Variants in MSI1 observed in about 807,000 individuals in gnomAD.
MSI1 encodes musashi RNA binding protein 1.
MSI1 carries 15 observed loss-of-function variants against 54.4 expected under a neutral mutation model. The ratio of observed to expected loss-of-function variants is 0.28; its 90% CI spans 0.18 to 0.42. The LOEUF (loss-of-function observed/expected upper bound fraction) is 0.42. MSI1 is among the 20% of genes least tolerant of loss of function. The probability of loss-of-function intolerance (pLI) is 1.00; values close to 1 mark genes in which losing one functional copy is unlikely to be tolerated. For missense variants in MSI1, 304 were observed against 506.0 expected, an observed-to-expected ratio of 0.60 and a Z score of 3.83; for synonymous variants, 200 against 196.5, an observed-to-expected ratio of 1.02 and a Z score of -0.15.
chr12:120,368,164 G>T lies in MSI1; in HGVS notation c.182+28C>A. ...TGGCGGGTGGAGGGGGGCGAGCCGG[G>T]AGCAGGAGGAGGGGGTGAGGGGCTC... On this transcript the variant is annotated intron_variant, in intron 3 of 14. Transcript: ENST00000257552. The surrounding 1 kb of genome is among the most constrained non-coding windows in gnomAD (Gnocchi z 6.6). 6.3e-7 allele frequency: 1 copy of T among 1,580,054 alleles called. No homozygotes were observed. The highest frequency in any genetic ancestry group is 8.6e-7 in the Non-Finnish European group (1 of 1,162,242).
rs764940825 is a variant in MSI1, at chr12:120,363,025, C to G, written c.402+18G>C. On this transcript the variant is annotated intron_variant, in intron 6 of 14. Coordinates refer to ENST00000257552, the MANE Select transcript of MSI1 (RefSeq NM_002442.4). ...GTGTTCACAGCCCCAGCAGCAAGCG[C>G]CCCCAGTTTAAACCCACCTTCCCAA... 6.2e-7 allele frequency: 1 copy of G among 1,607,914 alleles called. No homozygotes were observed. The highest frequency in any genetic ancestry group is 1.3e-5 in the African/African-American group (1 of 74,774).
intron 11 of MSI1, among the ~76,000 whole-genome samples, chr12:120,350,963 G>A (rs2136922874): frequency 6.6e-6 from 1 of 152,258 alleles, no homozygotes; most frequent in South Asian, 2.1e-4. Flanking sequence ...AGCTGGCACC[G>A]AGGGCAGGTA....
intron 13 of MSI1, 126 bp from the exon 14 acceptor site, chr12:120,345,758 T>C (rs1076206): frequency 0.72 from 820,967 of 1,144,206 alleles, 296,675 homozygotes; most frequent in Admixed American, 0.8. Flanking sequence ...ATCGCCCCCC[T>C]ACTGCAGGTC....
intron 6 of MSI1, among the ~76,000 whole-genome samples, chr12:120,361,753 C>T (rs1875667986): frequency 6.6e-6 from 1 of 151,598 alleles, no homozygotes; most frequent in South Asian, 2.1e-4. Flanking sequence ...GGGCCCTTGG[C>T]ATTCCCGGCT....
chr12:120,351,717 T>C (rs1431414881), intron 10 of MSI1, among the ~76,000 whole-genome samples: 1 of 150,430 alleles, frequency 6.6e-6, no homozygotes, highest in African/African-American at 2.4e-5. Context: ...CTCTCTTTTT[T>C]TTTTTTTTTG....
rs1565882591 is a variant in MSI1, at chr12:120,346,153, G to A, written c.1029C>T (p.Gly343=). The change falls in exon 13 of 15, where the codon GGC becomes GGT. Residue 343 remains glycine, a synonymous_variant. Transcript: ENST00000257552. ...ISAASPAPST[G]FGHSLGGPLI... ...CACTCACCCCAAGACTGTGGCCGAA[G>A]CCGGTGCTGGGGGCAGGGCTGGCGG... 3 of 1,587,870 alleles carry A rather than the reference G, an allele frequency of 1.9e-6. No homozygotes were observed. Among genetic ancestry groups the A allele is most frequent in the Non-Finnish European group, 1.7e-6 (2 of 1,168,726 alleles).
At chr12:120,353,261 G>C in intron 10 of MSI1, 38 bp downstream of exon 10, 3 of 1,596,896 alleles carry the variant, frequency 1.9e-6, no homozygotes, top group Non-Finnish European at 2.6e-6. Context: ...GGGAACCAGG[G>C]GCATGCTGGC....
intron 11 of MSI1, among the ~76,000 whole-genome samples, chr12:120,348,033 C>G (rs12425936): frequency 0.061 from 9,268 of 152,200 alleles, 413 homozygotes; most frequent in Admixed American, 0.15. Context: ...GGGCTCACAC[C>G]GAGGCCATAG....
Position 120,363,265 on chromosome 12 carries a change from C to T in MSI1, c.310-130G>A, listed in dbSNP as rs1019354120. ...GTGGCCCCAGCCTCTTTAAAGGCCC[C>T]CCCCCCGCAAGCTCCCTCTTGGACC... On this transcript the variant is annotated intron_variant, in intron 5 of 14. Coordinates refer to ENST00000257552, the MANE Select transcript of MSI1 (RefSeq NM_002442.4). 1.0e-5 allele frequency: 7 copies of T among 674,002 alleles called. 1 individual carries two copies. The highest frequency in any genetic ancestry group is 1.9e-5 in the African/African-American group (1 of 52,308). 41.8% of individuals were successfully genotyped at this position (674,002 alleles called of 1,614,324 possible).
intron 5 of MSI1, 31 bp from the exon 6 acceptor site, chr12:120,363,166 T>A (rs756623256): frequency 1.3e-6 from 2 of 1,598,570 alleles, no homozygotes; most frequent in Middle Eastern, 1.8e-4. Context: ...AAAGTGGGCA[T>A]CTGAGTCCTG....
intron 6 of MSI1, 139 bp downstream of exon 6, chr12:120,362,904 G>A: frequency 1.4e-6 from 1 of 726,960 alleles, no homozygotes; most frequent in Non-Finnish European, 2.4e-6. Flanking sequence ...GGATTGGCCT[G>A]GTCTGCCCCC....
rs905593495 is a variant in MSI1, at chr12:120,360,930, C to A, written c.403-1877G>T. Among the ~76,000 whole-genome samples, 4 of 152,074 alleles carry A rather than the reference C, an allele frequency of 2.6e-5. No individual in the cohort carries two copies. In the South Asian group the frequency reaches 6.2e-4, roughly 24 times the overall value. On this transcript the variant is annotated intron_variant, in intron 6 of 14. Transcript: ENST00000257552. ...TCACCCTCCTTGGTAGCTGGGACTACAGGTGTGCACCACCAAGCCTGGCTA... is the reference window on the plus strand; with the variant it reads ...TCACCCTCCTTGGTAGCTGGGACTAAAGGTGTGCACCACCAAGCCTGGCTA...
intron 10 of MSI1, among the ~76,000 whole-genome samples, 179 bp downstream of exon 10, chr12:120,353,120 T>C (rs1279208925): frequency 7.2e-6 from 1 of 138,436 alleles, no homozygotes; most frequent in East Asian, 2.6e-4. Context: ...CCCCAGCTTC[T>C]GGGGAGGGGT....
intron 13 of MSI1, 113 bp downstream of exon 13, chr12:120,346,022 C>T: frequency 4.2e-6 from 4 of 958,872 alleles, no homozygotes; most frequent in Non-Finnish European, 4.5e-6. Flanking sequence ...TCCATTCATC[C>T]TCCCTCACCC....
intron 4 of MSI1, among the ~76,000 whole-genome samples, chr12:120,365,929 C>G (rs183055995): frequency 6.6e-6 from 1 of 152,316 alleles, no homozygotes; most frequent in East Asian, 1.9e-4. Context: ...GAAAGCGGCC[C>G]TTTGTGAACT....
rs547256348 is a variant in MSI1 at position 120,369,120 on chromosome 12, AGCGGCGGCG to A, written c.-38_-30del. ...GAGCCGCGGGCGGCGCGGGCAGCGG[AGCGGCGGCG>A]GCGGCGGCGGCGGCGGCGCTCGGCG... On this transcript the variant is annotated 5_prime_UTR_variant, in exon 1 of 15. Coordinates refer to ENST00000257552, the MANE Select transcript of MSI1 (RefSeq NM_002442.4). 2.3e-4 allele frequency: 227 copies of A among 1,003,180 alleles called. No homozygotes were observed. Among genetic ancestry groups the A allele is most frequent in the Middle Eastern group, 1.0e-3 (2 of 1,984 alleles). 62.1% of individuals were successfully genotyped at this position (1,003,180 alleles called of 1,614,324 possible). A position where few individuals can be genotyped will look rare whatever the true frequency, so the allele number is the denominator to read the frequency against.
intron 9 of MSI1, 23 bp downstream of exon 9, chr12:120,356,879 C>A (rs201101688): frequency 1.2e-6 from 2 of 1,605,924 alleles, no homozygotes; most frequent in South Asian, 2.2e-5. Flanking sequence ...AGAAAGAAGC[C>A]GCAGGCGCAG....
Position 120,343,083 on chromosome 12 carries a change from T to A in MSI1, c.*44A>T, listed in dbSNP as rs1873826964. On this transcript the variant is annotated 3_prime_UTR_variant, in exon 15 of 15. Coordinates refer to ENST00000257552, the MANE Select transcript of MSI1 (RefSeq NM_002442.4). ...CCCCTCGCTGGCTCACTCGTGGTCCTCAGTCAGCTGCAGGCTGGGGCGCTG... is the reference window on the plus strand; with the variant it reads ...CCCCTCGCTGGCTCACTCGTGGTCCACAGTCAGCTGCAGGCTGGGGCGCTG... 1 of 152,218 alleles carries A rather than the reference T, an allele frequency of 6.6e-6. No homozygotes were observed. The highest frequency in any genetic ancestry group is 1.5e-5 in the Non-Finnish European group (1 of 68,140). The allele number at this position is 152,218 out of a possible 1,614,324, so 9.4% of individuals were successfully genotyped here. A position where few individuals can be genotyped will look rare whatever the true frequency, so the allele number is the denominator to read the frequency against.
chr12:120,354,069 C>CA (rs1320591711), intron 9 of MSI1, among the ~76,000 whole-genome samples: 1 of 151,976 alleles, frequency 6.6e-6, no homozygotes, highest in East Asian at 1.9e-4. Context: ...ACTGCAGCCT[C>CA]AAACTTCTGG....
Sources: gnomAD v4.1 joint callset for allele counts (sites outside exome capture counted in the v4.1 genomes callset) on GRCh38, gnomAD v4.1.1 for gene constraint, Gnocchi (gnomAD v3.1) non-coding constraint, MANE v1.5 for transcripts, NCBI Gene and HGNC (gene_info 2026-07-23, HGNC 2026-07-21) for gene names.